Variants in YES1 observed in about 807,000 individuals in gnomAD.
YES1 encodes tyrosine-protein kinase Yes.
In YES1, 39 loss-of-function variants were observed where a neutral mutation model predicts 70.4. That is an observed-to-expected ratio of 0.55 (90% CI 0.43 to 0.72). The LOEUF is 0.72. Ranked by LOEUF, YES1 falls within the 30% of genes least tolerant of loss-of-function variation. The pLI is 0.00. For synonymous variants in YES1, 198 were observed against 218.6 expected, an observed-to-expected ratio of 0.91 and a Z score of 0.83; for missense variants, 495 against 644.8, an observed-to-expected ratio of 0.77 and a Z score of 2.52.
intron 1 of YES1, among the ~76,000 whole-genome samples, chr18:798,547 T>A (rs970708856): frequency 6.6e-6 from 1 of 152,192 alleles, no homozygotes; most frequent in African/African-American, 2.4e-5. Context: ...AGAAGATGCA[T>A]AGGGGAGCCG....
chr18:724,517 AG>A lies in YES1; in HGVS notation c.1538del (p.Pro513LeufsTer46). On this transcript the variant is annotated frameshift_variant, in exon 12 of 12. Coordinates refer to ENST00000314574, the MANE Select transcript of YES1 (RefSeq NM_005433.4). LOFTEE classifies it high-confidence loss of function. ...TATATTCAAATGTTGGTCTTTCATC[AG>A]GGTCCTTCTTCCAACACAGATTCAT... ...ELMNLCWKKD[P>X]DERPTFEYIQ... 1 of 1,614,180 alleles carries A rather than the reference AG, an allele frequency of 6.2e-7. No individual in the cohort carries two copies. Among genetic ancestry groups the A allele is most frequent in the Non-Finnish European group, 8.5e-7 (1 of 1,180,030 alleles).
intron 4 of YES1, among the ~76,000 whole-genome samples, chr18:747,181 G>A (rs983505466): frequency 1.3e-5 from 2 of 152,140 alleles, no homozygotes; most frequent in African/African-American, 4.8e-5. Context: ...AAGAATGTAA[G>A]TCTTTGGGCC....
intron 2 of YES1, among the ~76,000 whole-genome samples, chr18:754,514 T>C (rs1338921461): frequency 6.6e-6 from 1 of 152,086 alleles, no homozygotes; most frequent in Non-Finnish European, 1.5e-5. Context: ...AAGACCAGCC[T>C]GGCCAACGTG....
intron 1 of YES1, among the ~76,000 whole-genome samples, chr18:766,831 T>G (rs1403841033): frequency 6.6e-6 from 1 of 152,194 alleles, no homozygotes; most frequent in African/African-American, 2.4e-5. Flanking sequence ...TATTTACTAC[T>G]CTAACACTAT....
In YES1 at chr18:767,017, C is replaced by T. The variant is rs149523555; in HGVS notation, c.-8-10182G>A. Reference sequence around the variant, plus strand: ...TTTTATGGTTTATGTTTTATGTGTCCGGAAAATTCTTCACCAGAAGATTTT... The same window carrying T: ...TTTTATGGTTTATGTTTTATGTGTCTGGAAAATTCTTCACCAGAAGATTTT... On this transcript the variant is annotated intron_variant, in intron 1 of 11. Transcript: ENST00000314574. Among the ~76,000 whole-genome samples the T allele has an allele frequency of 3.6e-3, 546 of 151,906 alleles. 4 individuals are homozygous for T. The highest frequency in any genetic ancestry group is 0.012 in the African/African-American group (513 of 41,412).
At chr18:806,933 A>G (rs1907127886) in intron 1 of YES1, among the ~76,000 whole-genome samples, 1 of 152,212 alleles carries the variant, frequency 6.6e-6, no homozygotes. Context: ...GATAAGTCAA[A>G]GGAATATCTC....
upstream of YES1, chr18:812,518 G>C (rs1223037629): frequency 6.6e-6 from 1 of 152,288 alleles, no homozygotes; most frequent in Non-Finnish European, 1.5e-5. Flanking sequence ...GTCAGGATAG[G>C]CGACCGGTCC....
At chr18:730,961 A>T (rs79660941) in intron 11 of YES1, among the ~76,000 whole-genome samples, 89,350 of 151,838 alleles carry the variant, frequency 0.59, 26,679 homozygotes, top group East Asian at 0.71. Context: ...GGGTGAAATC[A>T]GCAAAGGAGT....
At chr18:743,137 G>C in intron 7 of YES1, 40 bp from the exon 8 acceptor site, 2 of 1,547,854 alleles carry the variant, frequency 1.3e-6, no homozygotes, top group Admixed American at 2.1e-5. Context: ...TATTTTAAAG[G>C]ATTTTAGACC....
chr18:807,509 C>T (rs1907160235), intron 1 of YES1, among the ~76,000 whole-genome samples: 1 of 152,026 alleles, frequency 6.6e-6, no homozygotes, highest in East Asian at 1.9e-4. Flanking sequence ...AAAAACAAAG[C>T]AAAACACAAA....
chr18:800,885 C>A (rs1239126915), intron 1 of YES1, among the ~76,000 whole-genome samples: 2 of 151,992 alleles, frequency 1.3e-5, no homozygotes, highest in Admixed American at 1.3e-4. Flanking sequence ...TGGTGGCTCA[C>A]GACTGTAATC....
At chr18:728,525 T>C (rs1404176271) in intron 11 of YES1, among the ~76,000 whole-genome samples, 1 of 152,060 alleles carries the variant, frequency 6.6e-6, no homozygotes. Context: ...TTTTGGAGCA[T>C]TTCGGTTTTT....
At chr18:763,806 A>C (rs1568203699) in intron 1 of YES1, among the ~76,000 whole-genome samples, 1 of 151,970 alleles carries the variant, frequency 6.6e-6, no homozygotes, top group Non-Finnish European at 1.5e-5. Context: ...TTGTCAGTTA[A>C]ATATGGAAAG....
intron 1 of YES1, among the ~76,000 whole-genome samples, chr18:781,841 C>T (rs1406993067): frequency 2.6e-5 from 4 of 152,110 alleles, no homozygotes; most frequent in African/African-American, 9.7e-5. Context: ...GCAATCATAG[C>T]ACATACCCGA....
chr18:753,474 T>C (rs1415745450), intron 2 of YES1, among the ~76,000 whole-genome samples: 1 of 152,112 alleles, frequency 6.6e-6, no homozygotes, highest in Non-Finnish European at 1.5e-5. Flanking sequence ...CCCACTGACT[T>C]GTCAGATCAA....
Position 724,247 on chromosome 18 carries a change from A to G in YES1, c.*177T>C. 2 of 614,578 alleles carry G rather than the reference A, an allele frequency of 3.3e-6. No individual in the cohort carries two copies. Among genetic ancestry groups the G allele is most frequent in the African/African-American group, 1.8e-5 (1 of 54,160 alleles). 38.1% of individuals were successfully genotyped at this position (614,578 alleles called of 1,614,324 possible). A position where few individuals can be genotyped will look rare whatever the true frequency, so the allele number is the denominator to read the frequency against. On this transcript the variant is annotated 3_prime_UTR_variant, in exon 12 of 12. Coordinates refer to ENST00000314574, the MANE Select transcript of YES1 (RefSeq NM_005433.4). ...ACGCTGATAAATTCATCATTGGTAC[A>G]TTAGAGTTTAATACTTGGGGAAAAA...
At chr18:769,957 CTT>C (rs10645789) in intron 1 of YES1, among the ~76,000 whole-genome samples, 2 of 144,554 alleles carry the variant, frequency 1.4e-5, no homozygotes. Flanking sequence ...TCTTCCTGTT[CTT>C]TTTTTTTTTT....
chr18:722,400 T>C lies in YES1; in HGVS notation c.*2024A>G, dbSNP rs1033889947. ...TAAAAATGGTTTGAATTTGAACATA[T>C]ATGCCATGGCACAGAATTTCGAATC... On this transcript the variant is annotated 3_prime_UTR_variant, in exon 12 of 12. Transcript: ENST00000314574. 2.6e-5 allele frequency: 4 copies of C among 152,610 alleles called. 1 individual carries two copies. Among genetic ancestry groups the C allele is most frequent in the Admixed American group, 2.0e-4 (3 of 15,276 alleles). 9.5% of individuals were successfully genotyped at this position (152,610 alleles called of 1,614,324 possible). A position where few individuals can be genotyped will look rare whatever the true frequency, so the allele number is the denominator to read the frequency against.
intron 8 of YES1, among the ~76,000 whole-genome samples, chr18:742,100 T>C (rs1275536721): frequency 6.6e-6 from 1 of 152,142 alleles, no homozygotes; most frequent in African/African-American, 2.4e-5. Context: ...TACTGTATAT[T>C]ATTGGTTCAA....
Sources: allele counts gnomAD v4.1 joint callset (sites outside exome capture counted in the v4.1 genomes callset), GRCh38; gene constraint gnomAD v4.1.1; transcripts MANE v1.5; gene names NCBI Gene and HGNC (gene_info 2026-07-23, HGNC 2026-07-21).